DUSP16: variants seen among roughly 807,000 people sequenced by gnomAD.
DUSP16 encodes the protein dual specificity phosphatase 16.
Under a neutral mutation model 58.3 loss-of-function variants are expected in DUSP16, and 21 were observed. That is an observed-to-expected ratio of 0.36 (90% confidence interval 0.26 to 0.52). DUSP16 has a LOEUF of 0.52. Ranked by LOEUF, DUSP16 falls within the 20% of genes least tolerant of loss-of-function variation. The probability of loss-of-function intolerance (pLI) is 0.94; values close to 1 mark genes in which losing one functional copy is unlikely to be tolerated. For synonymous variants in DUSP16, 320 were observed against 323.8 expected (o/e 0.99, Z 0.12); for missense variants, 726 against 819.0 (o/e 0.89, Z 1.39).
At chr12:12,556,267 A>T (rs1467881016) in intron 1 of DUSP16, among the ~76,000 whole-genome samples, 1 of 152,288 alleles carries the variant, frequency 6.6e-6, no homozygotes, top group African/African-American at 2.4e-5. Flanking sequence ...TTCACCTATA[A>T]AAAAGTTTTG....
intron 1 of DUSP16, among the ~76,000 whole-genome samples, chr12:12,543,353 T>A (rs1342825231): frequency 1.3e-5 from 2 of 152,188 alleles, no homozygotes; most frequent in African/African-American, 4.8e-5. Flanking sequence ...ATGTATCATA[T>A]ATAAATATGA....
chr12:12,497,767 C>T lies in DUSP16; in HGVS notation c.531+2752G>A, dbSNP rs549893558. Among the ~76,000 whole-genome samples, 790 of 151,566 alleles carry T rather than the reference C, an allele frequency of 5.2e-3. 1 individual carries two copies. Among genetic ancestry groups the T allele is most frequent in the Non-Finnish European group, 8.1e-3 (550 of 67,916 alleles). On this transcript the variant is annotated intron_variant, in intron 4 of 6. Coordinates refer to ENST00000298573, the MANE Select transcript of DUSP16 (RefSeq NM_030640.3). Reference sequence around the variant, plus strand: ...CGGGCGGATCACGAGGTCAGGAGATCGAGACCATCCTGGCAAACATGGTGA... The same window carrying T: ...CGGGCGGATCACGAGGTCAGGAGATTGAGACCATCCTGGCAAACATGGTGA...
chr12:12,516,854 G>A (rs1330369137), intron 3 of DUSP16, among the ~76,000 whole-genome samples: 2 of 152,084 alleles, frequency 1.3e-5, no homozygotes, highest in African/African-American at 4.8e-5. Context: ...ACTTAAGAAG[G>A]GCTAGGCCTT....
intron 5 of DUSP16, among the ~76,000 whole-genome samples, chr12:12,485,829 T>C (rs537743643): frequency 7.5e-6 from 1 of 132,554 alleles, no homozygotes; most frequent in South Asian, 2.5e-4. Flanking sequence ...AGTCTCACTC[T>C]GCTGCCTAGG....
rs1272994625 is a variant in DUSP16, at chr12:12,475,419, C to T, written c.*1414G>A. On this transcript the variant is annotated 3_prime_UTR_variant, in exon 7 of 7. Transcript: ENST00000298573. Reference sequence around the variant, plus strand: ...TTGTAGGTTGAGGACTGAGGACGCCCCTTTGCTCTCGCTCCATTTTGATTT... The same window carrying T: ...TTGTAGGTTGAGGACTGAGGACGCCTCTTTGCTCTCGCTCCATTTTGATTT... The T allele has an allele frequency of 1.3e-5, 2 of 152,216 alleles. No homozygotes were observed. The highest frequency in any genetic ancestry group is 2.1e-4 in the South Asian group (1 of 4,824). 9.4% of individuals were successfully genotyped at this position (152,216 alleles called of 1,614,324 possible).
rs1944913997 is a variant in DUSP16 at position 12,562,156 on chromosome 12, C to T, written c.-405G>A. The T allele has an allele frequency of 6.6e-6, 1 of 151,844 alleles. No individual in the cohort carries two copies. The highest frequency in any genetic ancestry group is 2.4e-5 in the African/African-American group (1 of 41,410). The allele number at this position is 151,844 out of a possible 1,614,324, so 9.4% of individuals were successfully genotyped here. A position where few individuals can be genotyped will look rare whatever the true frequency, so the allele number is the denominator to read the frequency against. On this transcript the variant is annotated 5_prime_UTR_variant, in exon 1 of 7. Coordinates refer to ENST00000298573, the MANE Select transcript of DUSP16 (RefSeq NM_030640.3). ...ACCTCCCAATTCCCTCAGAGGGAAA[C>T]GAAAGTTGTCACGGCGTCTCCCCTC...
At chr12:12,535,746 A>G (rs1566037328) in intron 1 of DUSP16, among the ~76,000 whole-genome samples, 1 of 152,266 alleles carries the variant, frequency 6.6e-6, no homozygotes, top group African/African-American at 2.4e-5. Context: ...CAAGCCAAAG[A>G]GAAAGGCTTC....
At chr12:12,480,707 T>C (rs1943548134) in intron 5 of DUSP16, among the ~76,000 whole-genome samples, 1 of 152,194 alleles carries the variant, frequency 6.6e-6, no homozygotes, top group Non-Finnish European at 1.5e-5. Flanking sequence ...ACCTAAGAAA[T>C]ATAATTACAT....
At chr12:12,561,409 C>T (rs1420026178) in intron 1 of DUSP16, among the ~76,000 whole-genome samples, 1 of 152,186 alleles carries the variant, frequency 6.6e-6, no homozygotes, top group African/African-American at 2.4e-5. Context: ...GGAAATAAAC[C>T]CAGCATCTGA....
At chr12:12,554,196 CAAAAAA>C (rs59499569) in intron 1 of DUSP16, among the ~76,000 whole-genome samples, 2 of 66,146 alleles carry the variant, frequency 3.0e-5, no homozygotes, top group African/African-American at 1.1e-4. Flanking sequence ...AACTGGGTCT[CAAAAAA>C]AAAAAAAAAA....
intron 3 of DUSP16, among the ~76,000 whole-genome samples, chr12:12,501,966 G>C (rs1033759417): frequency 1.3e-5 from 2 of 151,786 alleles, no homozygotes; most frequent in Non-Finnish European, 1.5e-5. Context: ...CTCCAGCCTG[G>C]GCAACAGAGC....
At chr12:12,551,930 G>A (rs1944734603) in intron 1 of DUSP16, among the ~76,000 whole-genome samples, 3 of 152,088 alleles carry the variant, frequency 2.0e-5, no homozygotes, top group African/African-American at 4.8e-5. Context: ...CTGACCTCGT[G>A]ATCCACCTGC....
At chr12:12,550,965 C>G (rs1944716057) in intron 1 of DUSP16, among the ~76,000 whole-genome samples, 1 of 152,002 alleles carries the variant, frequency 6.6e-6, no homozygotes, top group Admixed American at 6.5e-5. Context: ...AAAACGTCAA[C>G]TCTTGAGAAC....
intron 1 of DUSP16, among the ~76,000 whole-genome samples, chr12:12,525,810 G>C (rs141906871): frequency 8.1e-4 from 122 of 151,304 alleles, no homozygotes; most frequent in African/African-American, 2.9e-3. Flanking sequence ...AAGCTGACAA[G>C]TAACTCATAA....
intron 3 of DUSP16, among the ~76,000 whole-genome samples, chr12:12,504,902 A>G (rs565013267): frequency 1.3e-5 from 2 of 152,242 alleles, no homozygotes; most frequent in Admixed American, 1.3e-4. Context: ...TACATCCAAC[A>G]AAACAATATT....
intron 1 of DUSP16, among the ~76,000 whole-genome samples, chr12:12,549,776 TAA>T (rs35578513): frequency 1.4e-5 from 2 of 148,022 alleles, no homozygotes; most frequent in East Asian, 2.0e-4. Context: ...GCTTTTTTAT[TAA>T]AAAAAAAAAA....
Position 12,521,187 on chromosome 12 carries a change from T to G in DUSP16, c.-89A>C. 6.5e-7 allele frequency: 1 copy of G among 1,539,844 alleles called. No individual in the cohort carries two copies. Among genetic ancestry groups the G allele is most frequent in the East Asian group, 2.4e-5 (1 of 41,268 alleles). On this transcript the variant is annotated 5_prime_UTR_variant, in exon 2 of 7. Coordinates refer to ENST00000298573, the MANE Select transcript of DUSP16 (RefSeq NM_030640.3). ...GTGCTCAAAGGCTCAGCCACTCCAT[T>G]GTACTAAAAGTGTATGAGGTCAGGC...
intron 3 of DUSP16, among the ~76,000 whole-genome samples, chr12:12,515,515 AC>A (rs1219328598): frequency 6.6e-6 from 1 of 151,776 alleles, no homozygotes; most frequent in African/African-American, 2.4e-5. Flanking sequence ...TTTAGTAGAG[AC>A]GGGGTTTCTC....
chr12:12,482,506 A>C (rs1006969434), intron 5 of DUSP16, among the ~76,000 whole-genome samples: 7 of 150,144 alleles, frequency 4.7e-5, no homozygotes, highest in Non-Finnish European at 1.0e-4. Context: ...CATGAGCCCT[A>C]AACTGTGTCT....
Sources: allele counts gnomAD v4.1 joint callset (sites outside exome capture counted in the v4.1 genomes callset), GRCh38; gene constraint gnomAD v4.1.1; transcripts MANE v1.5; gene names NCBI Gene and HGNC (gene_info 2026-07-23, HGNC 2026-07-21).